HDAC4: variants seen among roughly 807,000 people sequenced by gnomAD.
HDAC4 encodes the protein histone deacetylase A.
A neutral mutation model predicts 135.1 loss-of-function variants in HDAC4; 16 were observed. The ratio of observed to expected loss-of-function variants is 0.12; its 90% CI spans 0.08 to 0.18. HDAC4 has a LOEUF of 0.18. Ranked by LOEUF, HDAC4 falls within the 10% of genes least tolerant of loss-of-function variation. HDAC4 has a pLI of 1.00. For missense variants in HDAC4, 1,143 were observed against 1,511.8 expected, an observed-to-expected ratio of 0.76 and a Z score of 4.05; for synonymous variants, 685 against 653.4, an observed-to-expected ratio of 1.05 and a Z score of -0.74.
In HDAC4 at chr2:239,144,567, T is replaced by C. The variant is rs1435325642; in HGVS notation, c.865+16A>G. On this transcript the variant is annotated intron_variant, in intron 8 of 26. Coordinates refer to ENST00000543185, the MANE Select transcript of HDAC4 (RefSeq NM_001378414.1). ...GAGAGGGCAGCGGGGCGGGTGTACCTGCTCAGCCGACATACCTGTGACATC... is the reference window on the plus strand; with the variant it reads ...GAGAGGGCAGCGGGGCGGGTGTACCCGCTCAGCCGACATACCTGTGACATC... The C allele has an allele frequency of 6.2e-7, 1 of 1,613,024 alleles. No homozygotes were observed. The highest frequency in any genetic ancestry group is 8.5e-7 in the Non-Finnish European group (1 of 1,179,990).
chr2:239,096,350 C>A (rs1245140449), intron 16 of HDAC4, among the ~76,000 whole-genome samples: 1 of 125,030 alleles, frequency 8.0e-6, no homozygotes, highest in Non-Finnish European at 1.8e-5. Context: ...ACGCCCACAC[C>A]CCACCGACAG....
intron 24 of HDAC4, 25 bp downstream of exon 24, chr2:239,066,697 T>C (rs760756027): frequency 2.2e-5 from 35 of 1,613,196 alleles, no homozygotes; most frequent in Non-Finnish European, 2.9e-5. Context: ...TGGAGCATCC[T>C]GTGGGGTCTC....
chr2:239,336,477 CTTG>C (rs1239925098), intron 2 of HDAC4, among the ~76,000 whole-genome samples: 2 of 152,106 alleles, frequency 1.3e-5, no homozygotes, highest in Non-Finnish European at 2.9e-5. Flanking sequence ...CCAACAATGA[CTTG>C]TTAAGTTACT....
chr2:239,084,253 G>C lies in HDAC4; in HGVS notation c.2445-11C>G. 3 of 1,602,706 alleles carry C rather than the reference G, an allele frequency of 1.9e-6. No homozygotes were observed. The highest frequency in any genetic ancestry group is 1.1e-5 in the South Asian group (1 of 90,174). ...AAGTAGCAAAAGCCCCTGCGGGAGA[G>C]AACTGACGCTGGAGACGAAGCGCAG... On this transcript the variant is annotated splice_polypyrimidine_tract_variant and intron_variant, in intron 19 of 26. Coordinates refer to ENST00000543185, the MANE Select transcript of HDAC4 (RefSeq NM_001378414.1).
At chr2:239,081,804 C>T (rs1025010197) in intron 21 of HDAC4, among the ~76,000 whole-genome samples, 2 of 152,220 alleles carry the variant, frequency 1.3e-5, no homozygotes, top group African/African-American at 2.4e-5. Context: ...GGCCTGGGCC[C>T]TGCCCGGAGG....
chr2:239,132,892 A>G (rs929076095), intron 11 of HDAC4, among the ~76,000 whole-genome samples: 2 of 152,018 alleles, frequency 1.3e-5, no homozygotes, highest in African/African-American at 4.8e-5. Flanking sequence ...CACTACCCAC[A>G]CTCGTGCCAG....
At chr2:239,116,639 G>A (rs1316168022) in intron 12 of HDAC4, among the ~76,000 whole-genome samples, 1 of 152,250 alleles carries the variant, frequency 6.6e-6, no homozygotes, top group African/African-American at 2.4e-5. Flanking sequence ...AAACGGGCCA[G>A]TGGACCTGGT....
chr2:239,171,485 A>G (rs1379154287), intron 5 of HDAC4, among the ~76,000 whole-genome samples: 1 of 152,214 alleles, frequency 6.6e-6, no homozygotes, highest in Non-Finnish European at 1.5e-5. Context: ...ACACAAAAAT[A>G]ACTTAAGAAA....
intron 2 of HDAC4, among the ~76,000 whole-genome samples, chr2:239,238,166 G>A (rs911112621): frequency 6.6e-6 from 1 of 152,144 alleles, no homozygotes; most frequent in Non-Finnish European, 1.5e-5. Flanking sequence ...AGAGACCCCA[G>A]ATAGTGGTGG....
chr2:239,107,843 C>A (rs573033459), intron 15 of HDAC4, among the ~76,000 whole-genome samples: 3 of 152,210 alleles, frequency 2.0e-5, no homozygotes, highest in Non-Finnish European at 4.4e-5. Flanking sequence ...AGGGAGGGTA[C>A]GGGACTCCAG....
At chr2:239,390,429 G>A (rs1277607182) in intron 1 of HDAC4, among the ~76,000 whole-genome samples, 1 of 152,184 alleles carries the variant, frequency 6.6e-6, no homozygotes, top group African/African-American at 2.4e-5. Context: ...AGCTAATCAG[G>A]CAGCTGAGGC....
intron 5 of HDAC4, among the ~76,000 whole-genome samples, chr2:239,170,110 A>C (rs1478472699): frequency 6.6e-6 from 1 of 152,268 alleles, no homozygotes; most frequent in African/African-American, 2.4e-5. Context: ...AGTTTTATGG[A>C]CAAAAACAAT....
chr2:239,303,461 G>A lies in HDAC4; in HGVS notation c.22+49217C>T, dbSNP rs1034629301. Among the ~76,000 whole-genome samples the A allele has an allele frequency of 7.2e-5, 11 of 151,970 alleles. No homozygotes were observed. Among genetic ancestry groups the A allele is most frequent in the African/African-American group, 2.4e-4 (10 of 41,376 alleles). ...AGGGCATCCTGCGAGAGCGTCACAA[G>A]CACCCCACGAACAAGACACGGCAGC... On this transcript the variant is annotated intron_variant, in intron 2 of 26. Coordinates refer to ENST00000543185, the MANE Select transcript of HDAC4 (RefSeq NM_001378414.1). This position sits in a 1 kb window ranked among gnomAD's most constrained non-coding sequence, Gnocchi z 5.1.
chr2:239,257,035 C>T (rs2049089148), intron 2 of HDAC4, among the ~76,000 whole-genome samples: 1 of 152,156 alleles, frequency 6.6e-6, no homozygotes, highest in Non-Finnish European at 1.5e-5. Flanking sequence ...TCTAAAATAT[C>T]CATGTAGACA....
rs1004872069 is a variant in HDAC4, at chr2:239,068,322, C to T, written c.2869+167G>A. Among the ~76,000 whole-genome samples, 7 of 152,172 alleles carry T rather than the reference C, an allele frequency of 4.6e-5. No homozygotes were observed. The highest frequency in any genetic ancestry group is 1.7e-4 in the African/African-American group (7 of 41,446). On this transcript the variant is annotated intron_variant, in intron 23 of 26. Transcript: ENST00000543185. This position sits in a 1 kb window ranked among gnomAD's most constrained non-coding sequence, Gnocchi z 4.4. ...GCTCCCGCTGCCTGCTCTGGGCTCTCTGGGGCCTCCCAAATGGACTGGTTC... is the reference window on the plus strand; with the variant it reads ...GCTCCCGCTGCCTGCTCTGGGCTCTTTGGGGCCTCCCAAATGGACTGGTTC...
intron 2 of HDAC4, among the ~76,000 whole-genome samples, chr2:239,263,432 C>A (rs58125500): frequency 0.19 from 28,553 of 151,906 alleles, 3,250 homozygotes; most frequent in East Asian, 0.42. Flanking sequence ...GCTTCCCCCT[C>A]GGAGCTGCCC....
chr2:239,156,894 A>T (rs2042458319), intron 6 of HDAC4, 121 bp from the exon 7 acceptor site: 1 of 1,001,618 alleles, frequency 1.0e-6, no homozygotes, highest in East Asian at 2.6e-5. Flanking sequence ...CTCAACAGAC[A>T]CACCTTTTCC....
chr2:239,322,068 T>C (rs895708410), intron 2 of HDAC4, among the ~76,000 whole-genome samples: 5 of 152,254 alleles, frequency 3.3e-5, no homozygotes, highest in Non-Finnish European at 5.9e-5. Flanking sequence ...GGGGGTTAAG[T>C]ACCCTTTAGA....
chr2:239,165,258 C>T (rs996355674), intron 5 of HDAC4, among the ~76,000 whole-genome samples: 4 of 152,118 alleles, frequency 2.6e-5, no homozygotes, highest in African/African-American at 9.7e-5. Context: ...CTTCTCTACA[C>T]GCTGACCCCC....
Sources: allele counts gnomAD v4.1 joint callset (sites outside exome capture counted in the v4.1 genomes callset), GRCh38; gene constraint gnomAD v4.1.1; non-coding constraint Gnocchi (gnomAD v3.1); transcripts MANE v1.5; gene names NCBI Gene and HGNC (gene_info 2026-07-23, HGNC 2026-07-21).